The following GBE1 variants were observed in gnomAD, a reference collection of about 807,000 sequenced individuals.
The protein encoded by GBE1 is 1,4-alpha-glucan-branching enzyme.
GBE1 carries 70 observed loss-of-function variants against 88.8 expected under a neutral mutation model. The ratio of observed to expected loss-of-function variants is 0.79; its 90% CI spans 0.65 to 0.96. The LOEUF is 0.96. Among genes scored for constraint, GBE1 ranks in the 40% least tolerant of loss-of-function variants. GBE1 has a pLI of 0.00. For synonymous variants in GBE1, 284 were observed against 300.1 expected (o/e 0.95, Z 0.56); for missense variants, 872 against 871.0 (o/e 1.00, Z -0.01).
At chr3:81,539,778 G>A (rs956775500) in intron 12 of GBE1, among the ~76,000 whole-genome samples, 3 of 151,980 alleles carry the variant, frequency 2.0e-5, no homozygotes, top group South Asian at 2.1e-4. Context: ...AGAGGAAAAC[G>A]GTGACAGAAA....
intron 3 of GBE1, among the ~76,000 whole-genome samples, chr3:81,657,598 G>A (rs994304125): frequency 5.3e-5 from 8 of 151,960 alleles, no homozygotes; most frequent in African/African-American, 1.9e-4. Context: ...ACTGTACATA[G>A]TTAATCGGTA....
chr3:81,524,333 A>T (rs1033849085), intron 14 of GBE1, among the ~76,000 whole-genome samples: 1 of 151,754 alleles, frequency 6.6e-6, no homozygotes, highest in Non-Finnish European at 1.5e-5. Flanking sequence ...ATTTTTAAAT[A>T]AGATTATTAA....
intron 12 of GBE1, among the ~76,000 whole-genome samples, chr3:81,551,685 C>T (rs1467807658): frequency 1.3e-5 from 2 of 152,208 alleles, no homozygotes; most frequent in Non-Finnish European, 2.9e-5. Context: ...TGTCTCATGT[C>T]TCCCTAAAAT....
chr3:81,635,033 C>A (rs1704572479), intron 7 of GBE1, among the ~76,000 whole-genome samples: 2 of 152,086 alleles, frequency 1.3e-5, no homozygotes, highest in African/African-American at 4.8e-5. Flanking sequence ...GTGTTAAGAA[C>A]AGAGCTCCAG....
In GBE1 at chr3:81,609,801, T is replaced by C. The variant is rs144087764; in HGVS notation, c.993-15778A>G. Among the ~76,000 whole-genome samples, 212 of 152,272 alleles carry C rather than the reference T, an allele frequency of 1.4e-3. 2 individuals carry two copies. The highest frequency in any genetic ancestry group is 4.8e-3 in the African/African-American group (199 of 41,568). On this transcript the variant is annotated intron_variant, in intron 7 of 15. Transcript: ENST00000429644. The stretch of plus-strand genomic sequence containing the variant: ...ATGGTCAAACCTACTTTGGAAAGAA[T>C]TGCAGTATTAGAACATTTTAGTGCA...
intron 15 of GBE1, 80 bp from the exon 16 acceptor site, chr3:81,490,543 A>T: frequency 9.1e-7 from 1 of 1,097,610 alleles, no homozygotes; most frequent in East Asian, 2.4e-5. Flanking sequence ...CATAGGCATG[A>T]CGCAGTCTCA....
At chr3:81,755,244 A>G (rs1005633015) in intron 1 of GBE1, among the ~76,000 whole-genome samples, 2 of 152,196 alleles carry the variant, frequency 1.3e-5, no homozygotes. Flanking sequence ...CATCACAGAA[A>G]TGCAAATCAA....
At chr3:81,709,564 T>C (rs1054160835) in intron 1 of GBE1, among the ~76,000 whole-genome samples, 3 of 152,212 alleles carry the variant, frequency 2.0e-5, no homozygotes, top group Non-Finnish European at 4.4e-5. Flanking sequence ...GTAGTAATTT[T>C]ACTTTCAATG....
intron 14 of GBE1, among the ~76,000 whole-genome samples, chr3:81,503,448 A>C (rs575482753): frequency 6.6e-6 from 1 of 152,276 alleles, no homozygotes; most frequent in South Asian, 2.1e-4. Flanking sequence ...ATTAACCCGG[A>C]GGTTGTAAAC....
At chr3:81,571,305 CAAAT>C (rs761800663) in intron 12 of GBE1, among the ~76,000 whole-genome samples, 1 of 152,148 alleles carries the variant, frequency 6.6e-6, no homozygotes, top group Non-Finnish European at 1.5e-5. Flanking sequence ...AATGAGCAAA[CAAAT>C]AAACCAATGG....
intron 2 of GBE1, among the ~76,000 whole-genome samples, chr3:81,686,373 AG>A (rs1705440058): frequency 6.6e-6 from 1 of 152,178 alleles, no homozygotes; most frequent in African/African-American, 2.4e-5. Flanking sequence ...TAGGGAATGC[AG>A]GTACATGGGG....
At chr3:81,520,137 T>A (rs1335511814) in intron 14 of GBE1, among the ~76,000 whole-genome samples, 1 of 151,418 alleles carries the variant, frequency 6.6e-6, no homozygotes, top group Non-Finnish European at 1.5e-5. Context: ...ACGTGCCTTA[T>A]AGTGTGGCCC....
At chr3:81,512,570 A>G (rs1409630867) in intron 14 of GBE1, among the ~76,000 whole-genome samples, 1 of 151,880 alleles carries the variant, frequency 6.6e-6, no homozygotes, top group Non-Finnish European at 1.5e-5. Flanking sequence ...ATGTACTTCA[A>G]TGGCATTTCT....
At position 81,653,737 on chromosome 3, in the gene GBE1, T is replaced by A. The variant is rs368447497; in HGVS notation, c.430-3816A>T. On this transcript the variant is annotated intron_variant, in intron 3 of 15. Coordinates refer to ENST00000429644, the MANE Select transcript of GBE1 (RefSeq NM_000158.4). ...AAGTTATATGAAAGAATATATTGTA[T>A]CTTTCTAATGTAAATGCACAAAAAC... Among the ~76,000 whole-genome samples the A allele has an allele frequency of 2.6e-4, 40 of 152,318 alleles. No individual in the cohort carries two copies. In the South Asian group the frequency reaches 7.2e-3, roughly 28 times the overall value.
intron 13 of GBE1, among the ~76,000 whole-genome samples, chr3:81,536,567 T>C (rs776332562): frequency 1.8e-4 from 28 of 151,998 alleles, no homozygotes; most frequent in Non-Finnish European, 3.2e-4. Flanking sequence ...ATTATTTACA[T>C]AAAAAAGTGT....
chr3:81,689,741 G>C (rs3943556), intron 2 of GBE1, among the ~76,000 whole-genome samples: 45,680 of 151,860 alleles, frequency 0.3, 7,048 homozygotes, highest in East Asian at 0.45. Context: ...AGGAGGGAAG[G>C]GGTGCCCAGA....
chr3:81,532,304 C>T (rs935996603), intron 14 of GBE1, among the ~76,000 whole-genome samples: 11 of 151,878 alleles, frequency 7.2e-5, no homozygotes, highest in South Asian at 6.2e-4. Flanking sequence ...CCATCTTGCA[C>T]GAATTTATAT....
intron 3 of GBE1, among the ~76,000 whole-genome samples, chr3:81,659,512 T>C (rs1267338801): frequency 6.7e-6 from 1 of 150,016 alleles, no homozygotes; most frequent in East Asian, 2.0e-4. Flanking sequence ...ATTTTTTTTT[T>C]TTTTTTTTTG....
chr3:81,592,650 C>A (rs919654986), intron 8 of GBE1, among the ~76,000 whole-genome samples: 1 of 151,810 alleles, frequency 6.6e-6, no homozygotes, highest in African/African-American at 2.4e-5. Flanking sequence ...TTAACCATTT[C>A]TTGGATTCTG....
Sources: gnomAD v4.1 joint callset for allele counts (sites outside exome capture counted in the v4.1 genomes callset) on GRCh38, gnomAD v4.1.1 for gene constraint, MANE v1.5 for transcripts, NCBI Gene and HGNC (gene_info 2026-07-23, HGNC 2026-07-21) for gene names.